PCDH11X: variants seen among roughly 807,000 people sequenced by gnomAD.
The protein encoded by PCDH11X is protocadherin 11 X-linked, also known as protocadherin-11 X-linked.
In PCDH11X, 18 loss-of-function variants were observed where a neutral mutation model predicts 53.3. The ratio of observed to expected loss-of-function variants is 0.34; its 90% CI spans 0.23 to 0.50. The LOEUF (loss-of-function observed/expected upper bound fraction) is 0.50. Among genes scored for constraint, PCDH11X ranks in the 20% least tolerant of loss-of-function variants. The pLI is 0.98. For synonymous variants in PCDH11X, 279 were observed against 393.3 expected, an observed-to-expected ratio of 0.71 and a Z score of 3.44; for missense variants, 570 against 1,032.4, an observed-to-expected ratio of 0.55 and a Z score of 6.14.
chrX:92,279,654 C>A (rs1394062937), intron 8 of PCDH11X, among the ~76,000 whole-genome samples: 1 of 112,236 alleles, frequency 8.9e-6, no homozygotes, highest in Non-Finnish European at 1.9e-5. Context: ...ACAAACGCTC[C>A]TATTAACTTT....
chrX:92,120,201 C>T (rs1239660935), intron 6 of PCDH11X, among the ~76,000 whole-genome samples: 9 of 101,451 alleles, frequency 8.9e-5, no homozygotes, highest in Non-Finnish European at 1.6e-4. Context: ...CTCTCTGTCA[C>T]CCCGGTTGGA....
At chrX:92,157,816 T>G (rs1359008635) in intron 6 of PCDH11X, among the ~76,000 whole-genome samples, 2 of 112,225 alleles carry the variant, frequency 1.8e-5, no homozygotes, top group Admixed American at 9.5e-5. Flanking sequence ...TCAATAAACA[T>G]TTAAATAATA....
Position 92,580,639 on chromosome X carries a change from C to T in PCDH11X, c.3368-37625C>T, listed in dbSNP as rs1292261380. On this transcript the variant is annotated intron_variant, in intron 10 of 10. Transcript: ENST00000682573. ...AGCTGCAGTGATGGCAGTTGGCCCT[C>T]CCCCTGGGATCTCAGTCATTTAGGC... Among the ~76,000 whole-genome samples the T allele has an allele frequency of 4.5e-5, 5 of 111,261 alleles. No individual in the cohort carries two copies. In the Admixed American group the frequency reaches 4.8e-4, roughly 11 times the overall value.
chrX:91,881,202 C>T (rs1449758417), intron 6 of PCDH11X, among the ~76,000 whole-genome samples: 1 of 110,160 alleles, frequency 9.1e-6, no homozygotes, highest in Non-Finnish European at 1.9e-5. Context: ...CAAATATCCT[C>T]ACTTTTTTGT....
intron 6 of PCDH11X, among the ~76,000 whole-genome samples, chrX:92,170,360 C>T (rs1170528380): frequency 1.8e-5 from 2 of 110,912 alleles, no homozygotes; most frequent in Non-Finnish European, 3.8e-5. Flanking sequence ...AATTATGCAT[C>T]TACAGAAGTT....
chrX:92,588,516 C>T (rs1924656816), intron 10 of PCDH11X, among the ~76,000 whole-genome samples: 1 of 105,967 alleles, frequency 9.4e-6, no homozygotes, highest in Non-Finnish European at 1.9e-5. Flanking sequence ...AATTGTCATA[C>T]TAAGAAAGCA....
chrX:92,416,191 T>G, intron 9 of PCDH11X, among the ~76,000 whole-genome samples: 1 of 110,646 alleles, frequency 9.0e-6, no homozygotes, highest in East Asian at 2.8e-4. Flanking sequence ...AGTGGGGTGA[T>G]TGAGGAGGTG....
intron 6 of PCDH11X, among the ~76,000 whole-genome samples, chrX:92,181,546 A>G (rs1014358925): frequency 8.9e-6 from 1 of 111,882 alleles, no homozygotes; most frequent in African/African-American, 3.2e-5. Context: ...GGACCTTTGC[A>G]GTAGCCCCTC....
intron 6 of PCDH11X, among the ~76,000 whole-genome samples, chrX:92,063,279 G>A (rs1490490934): frequency 1.8e-5 from 2 of 108,777 alleles, no homozygotes; most frequent in African/African-American, 3.4e-5. Context: ...ACCATGGCAC[G>A]TTTATACCTA....
chrX:92,166,715 G>A (rs2065738079), intron 6 of PCDH11X, among the ~76,000 whole-genome samples: 2 of 109,249 alleles, frequency 1.8e-5, no homozygotes, highest in Middle Eastern at 4.7e-3. Context: ...CCAGTCAACC[G>A]AGGAAGACAT....
At chrX:92,431,816 A>G (rs189978236) in intron 9 of PCDH11X, among the ~76,000 whole-genome samples, 128 of 108,919 alleles carry the variant, frequency 1.2e-3, no homozygotes, top group African/African-American at 4.2e-3. Context: ...TCTTTTTTTT[A>G]CTCCTCTGAC....
intron 8 of PCDH11X, among the ~76,000 whole-genome samples, chrX:92,290,858 T>C (rs1416254099): frequency 1.9e-5 from 2 of 105,711 alleles, no homozygotes; most frequent in East Asian, 6.0e-4. Context: ...ATTGAGGATG[T>C]AGTTAGTGGA....
At chrX:92,031,024 A>G (rs969734263) in intron 6 of PCDH11X, among the ~76,000 whole-genome samples, 27 of 110,506 alleles carry the variant, frequency 2.4e-4, no homozygotes, top group African/African-American at 8.6e-4. Flanking sequence ...GCGGGATTGT[A>G]TGGTAGCTTT....
intron 8 of PCDH11X, among the ~76,000 whole-genome samples, chrX:92,351,890 G>T (rs2070060248): frequency 9.0e-6 from 1 of 111,442 alleles, no homozygotes; most frequent in African/African-American, 3.3e-5. Flanking sequence ...CCTAAACATT[G>T]CCTATAAAGG....
intron 6 of PCDH11X, among the ~76,000 whole-genome samples, chrX:92,154,329 C>T (rs2065489872): frequency 9.0e-6 from 1 of 110,606 alleles, no homozygotes; most frequent in Non-Finnish European, 1.9e-5. Context: ...GAAAAAATCA[C>T]TTTGGTACAT....
chrX:91,965,545 G>A (rs2061851052), intron 6 of PCDH11X, among the ~76,000 whole-genome samples: 2 of 107,297 alleles, frequency 1.9e-5, no homozygotes, highest in South Asian at 8.6e-4. Flanking sequence ...ACACTTGTGA[G>A]TTAAACTTAA....
At chrX:92,611,112 G>GT (rs112023877) in intron 10 of PCDH11X, among the ~76,000 whole-genome samples, 323 of 100,172 alleles carry the variant, frequency 3.2e-3, no homozygotes, top group African/African-American at 8.2e-3. Flanking sequence ...TTTTAGAACA[G>GT]TTTTTTTTTT....
intron 8 of PCDH11X, among the ~76,000 whole-genome samples, chrX:92,287,136 A>G (rs910513143): frequency 1.8e-5 from 2 of 111,621 alleles, no homozygotes; most frequent in African/African-American, 6.5e-5. Context: ...ACAGAATGTG[A>G]AAATAGTGCT....
intron 10 of PCDH11X, among the ~76,000 whole-genome samples, chrX:92,608,074 G>A (rs1184183567): frequency 9.1e-6 from 1 of 110,230 alleles, no homozygotes; most frequent in Non-Finnish European, 1.9e-5. Context: ...AAGCATGATA[G>A]GGTAATGACA....
Sources: gnomAD v4.1 joint callset for allele counts (sites outside exome capture counted in the v4.1 genomes callset) on GRCh38, gnomAD v4.1.1 for gene constraint, MANE v1.5 for transcripts, NCBI Gene and HGNC (gene_info 2026-07-23, HGNC 2026-07-21) for gene names.